Variants in KCNH7 observed in about 807,000 individuals in gnomAD.
KCNH7 encodes the protein voltage-gated inwardly rectifying potassium channel KCNH7.
In KCNH7, 49 loss-of-function variants were observed where a neutral mutation model predicts 120.8. The ratio of observed to expected loss-of-function variants is 0.41; its 90% confidence interval spans 0.32 to 0.51. KCNH7 has a LOEUF of 0.51. Ranked by LOEUF, KCNH7 falls within the 20% of genes least tolerant of loss-of-function variation. The pLI is 0.38. For missense variants in KCNH7, 1,097 were observed against 1,446.6 expected (o/e 0.76, Z 3.92); for synonymous variants, 547 against 516.1 (o/e 1.06, Z -0.81).
chr2:162,743,464 A>ACC (rs1688208439), intron 2 of KCNH7, among the ~76,000 whole-genome samples: 1 of 152,194 alleles, frequency 6.6e-6, no homozygotes, highest in Admixed American at 6.5e-5. Flanking sequence ...TAAATAATGT[A>ACC]GAATGTTACC....
chr2:162,615,568 T>A (rs1683116382), intron 2 of KCNH7, among the ~76,000 whole-genome samples: 1 of 152,212 alleles, frequency 6.6e-6, no homozygotes, highest in African/African-American at 2.4e-5. Flanking sequence ...ATGCAAGTCA[T>A]ACACTTGTCT....
chr2:162,462,206 C>T (rs747661272), intron 6 of KCNH7, among the ~76,000 whole-genome samples: 4 of 151,998 alleles, frequency 2.6e-5, no homozygotes, highest in Non-Finnish European at 4.4e-5. Flanking sequence ...AAACACTACC[C>T]ATGGGAATTC....
chr2:162,786,997 G>A (rs1683732704), intron 2 of KCNH7, among the ~76,000 whole-genome samples: 1 of 152,196 alleles, frequency 6.6e-6, no homozygotes, highest in African/African-American at 2.4e-5. Flanking sequence ...AAACCATGCA[G>A]CACAACATGG....
intron 6 of KCNH7, among the ~76,000 whole-genome samples, chr2:162,486,317 G>C (rs1690093635): frequency 6.6e-6 from 1 of 152,138 alleles, no homozygotes; most frequent in South Asian, 2.1e-4. Flanking sequence ...TAGGGGATCA[G>C]CTTTAACTAC....
At chr2:162,830,549 T>A (rs957418798) in intron 2 of KCNH7, among the ~76,000 whole-genome samples, 3 of 152,178 alleles carry the variant, frequency 2.0e-5, no homozygotes, top group African/African-American at 7.2e-5. Context: ...TTCATCTAGT[T>A]GTTATCAGAG....
At chr2:162,654,486 A>G (rs1684675881) in intron 2 of KCNH7, among the ~76,000 whole-genome samples, 1 of 152,108 alleles carries the variant, frequency 6.6e-6, no homozygotes, top group Non-Finnish European at 1.5e-5. Context: ...TATAAAAAAG[A>G]TGAAAGATAA....
intron 7 of KCNH7, among the ~76,000 whole-genome samples, chr2:162,444,378 G>A (rs1392090999): frequency 6.6e-6 from 1 of 152,110 alleles, no homozygotes; most frequent in Non-Finnish European, 1.5e-5. Flanking sequence ...ATAGAACTGA[G>A]AGCATCACTG....
chr2:162,752,624 T>C (rs1054375480), intron 2 of KCNH7, among the ~76,000 whole-genome samples: 1 of 151,840 alleles, frequency 6.6e-6, no homozygotes, highest in African/African-American at 2.4e-5. Context: ...CCCTGCCAGG[T>C]GCAGTGGCTC....
intron 8 of KCNH7, among the ~76,000 whole-genome samples, chr2:162,430,170 T>C (rs1198358616): frequency 1.3e-5 from 2 of 151,984 alleles, no homozygotes; most frequent in Non-Finnish European, 2.9e-5. Context: ...GACAGCACTA[T>C]TTTTTTCTGA....
intron 2 of KCNH7, among the ~76,000 whole-genome samples, chr2:162,718,777 T>C (rs1222374016): frequency 6.6e-6 from 1 of 151,950 alleles, no homozygotes; most frequent in African/African-American, 2.4e-5. Flanking sequence ...TCTTCTCTAG[T>C]CTCCACATAT....
At chr2:162,699,513 G>A (rs965412671) in intron 2 of KCNH7, among the ~76,000 whole-genome samples, 8 of 152,084 alleles carry the variant, frequency 5.3e-5, no homozygotes, top group Admixed American at 2.0e-4. Flanking sequence ...ACTTAGTAAT[G>A]TGTTCTTTTT....
intron 8 of KCNH7, among the ~76,000 whole-genome samples, chr2:162,426,899 C>T (rs1263095398): frequency 2.6e-5 from 4 of 152,028 alleles, no homozygotes; most frequent in East Asian, 3.9e-4. Flanking sequence ...AGACAACCAC[C>T]GAGCTCCTTT....
intron 9 of KCNH7, among the ~76,000 whole-genome samples, chr2:162,414,935 C>A (rs1687496601): frequency 6.6e-6 from 1 of 151,966 alleles, no homozygotes; most frequent in African/African-American, 2.4e-5. Context: ...TTACTCCCTA[C>A]CTTAAGCTAA....
intron 2 of KCNH7, among the ~76,000 whole-genome samples, chr2:162,768,430 G>A (rs1682910047): frequency 6.6e-6 from 1 of 152,004 alleles, no homozygotes; most frequent in South Asian, 2.1e-4. Flanking sequence ...TACCTCTGAA[G>A]TCAAAAGTGC....
At chr2:162,649,107 T>G (rs1321286748) in intron 2 of KCNH7, among the ~76,000 whole-genome samples, 1 of 152,206 alleles carries the variant, frequency 6.6e-6, no homozygotes, top group African/African-American at 2.4e-5. Flanking sequence ...GAAATTTCAT[T>G]AAGACTCTAT....
chr2:162,400,083 A>G lies in KCNH7; in HGVS notation c.2407+106T>C, dbSNP rs1162697841. 8.1e-6 allele frequency: 10 copies of G among 1,241,926 alleles called. No individual in the cohort carries two copies. In the South Asian group the frequency reaches 1.5e-4, roughly 18 times the overall value. 76.9% of individuals were successfully genotyped at this position (1,241,926 alleles called of 1,614,324 possible). ...GCTTTCAAATTACCCACCATCTTAA[A>G]CTGTTCTTATGAATACATACATCAG... On this transcript the variant is annotated intron_variant, in intron 10 of 15. Transcript: ENST00000332142.
intron 6 of KCNH7, among the ~76,000 whole-genome samples, chr2:162,494,173 T>G (rs991814060): frequency 2.0e-5 from 3 of 152,096 alleles, no homozygotes; most frequent in Admixed American, 1.3e-4. Context: ...AAGGGTAAAA[T>G]TTGGCTTTCT....
At chr2:162,568,243 G>T (rs1314807009) in intron 2 of KCNH7, among the ~76,000 whole-genome samples, 3 of 151,824 alleles carry the variant, frequency 2.0e-5, no homozygotes, top group African/African-American at 7.3e-5. Context: ...GCTCCCCCAG[G>T]GTCCCTCCCT....
chr2:162,750,530 G>T (rs1321001452), intron 2 of KCNH7, among the ~76,000 whole-genome samples: 1 of 151,848 alleles, frequency 6.6e-6, no homozygotes, highest in Non-Finnish European at 1.5e-5. Flanking sequence ...GTGTGCAAAA[G>T]AATTAATATA....
Sources: allele counts gnomAD v4.1 joint callset (sites outside exome capture counted in the v4.1 genomes callset), GRCh38; gene constraint gnomAD v4.1.1; transcripts MANE v1.5; gene names NCBI Gene and HGNC (gene_info 2026-07-23, HGNC 2026-07-21).